Variants in CHIC2 observed in about 807,000 individuals in gnomAD.
CHIC2 encodes cysteine rich hydrophobic domain 2.
In CHIC2, 14 loss-of-function variants were observed where a neutral mutation model predicts 25.9. The observed-to-expected ratio is 0.54, with a 90% CI of 0.36 to 0.85. CHIC2 has a LOEUF of 0.85. Ranked by LOEUF, CHIC2 falls within the 40% of genes least tolerant of loss-of-function variation. CHIC2 has a pLI of 0.01. For missense variants in CHIC2, 146 were observed against 202.0 expected, an observed-to-expected ratio of 0.72 and a Z score of 1.68; for synonymous variants, 70 against 72.0, an observed-to-expected ratio of 0.97 and a Z score of 0.14.
intron 1 of CHIC2, among the ~76,000 whole-genome samples, chr4:54,062,013 T>C (rs985882961): frequency 6.6e-6 from 1 of 152,168 alleles, no homozygotes; most frequent in African/African-American, 2.4e-5. Flanking sequence ...CTATTGAACA[T>C]AGTACCACAC....
the CHIC2 span, among the ~76,000 whole-genome samples, chr4:54,084,852 C>A: frequency 6.6e-6 from 1 of 150,516 alleles, no homozygotes; most frequent in Non-Finnish European, 1.5e-5. Flanking sequence ...CTCAGCTACT[C>A]GGGAGGCTGA....
chr4:54,086,693 A>G, the CHIC2 span, among the ~76,000 whole-genome samples: 3,992 of 152,300 alleles, frequency 0.026, 190 homozygotes, highest in African/African-American at 0.09. Context: ...AGCGGCAGCT[A>G]GAAAGATCTG....
chr4:54,087,158 C>G, the CHIC2 span: 14 of 757,458 alleles, frequency 1.8e-5, no homozygotes, highest in African/African-American at 1.0e-4. Context: ...AAAGAACAAA[C>G]AGAGGACTCC....
At chr4:54,073,291 A>G in the CHIC2 span, among the ~76,000 whole-genome samples, 1 of 152,128 alleles carries the variant, frequency 6.6e-6, no homozygotes, top group African/African-American at 2.4e-5. Context: ...AGCCTTCAGG[A>G]TGGTCCCTGA....
upstream of CHIC2, among the ~76,000 whole-genome samples, chr4:54,067,332 T>C (rs1717538352): frequency 6.6e-6 from 1 of 151,934 alleles, no homozygotes; most frequent in Non-Finnish European, 1.5e-5. Context: ...GTTTTCTTCT[T>C]TTTCCTGTTC....
At chr4:54,025,805 T>G (rs1441531646) in intron 3 of CHIC2, among the ~76,000 whole-genome samples, 1 of 147,346 alleles carries the variant, frequency 6.8e-6, no homozygotes, top group Non-Finnish European at 1.5e-5. Context: ...AAGGCTGCAG[T>G]GAACGTGTCA....
intron 3 of CHIC2, among the ~76,000 whole-genome samples, chr4:54,014,539 T>A (rs374104785): frequency 6.6e-6 from 1 of 152,054 alleles, no homozygotes; most frequent in Admixed American, 6.6e-5. Flanking sequence ...AAACAAAAAA[T>A]TGGAATATTA....
At chr4:54,013,922 G>GA in intron 4 of CHIC2, 26 bp from the exon 5 acceptor site, 2 of 1,611,204 alleles carry the variant, frequency 1.2e-6, no homozygotes, top group Non-Finnish European at 1.7e-6. Context: ...AGTAAAAGAA[G>GA]AAAAATGAGC....
the CHIC2 span, among the ~76,000 whole-genome samples, chr4:54,071,110 G>C: frequency 1.3e-5 from 2 of 152,246 alleles, no homozygotes; most frequent in East Asian, 3.8e-4. Context: ...CACTAAAGGA[G>C]AGGGAAGGAA....
At chr4:54,086,288 GAGA>G in the CHIC2 span, among the ~76,000 whole-genome samples, 1 of 151,984 alleles carries the variant, frequency 6.6e-6, no homozygotes, top group Non-Finnish European at 1.5e-5. Context: ...GAGGGGCATG[GAGA>G]AGATTATGAG....
intron 1 of CHIC2, among the ~76,000 whole-genome samples, chr4:54,050,765 G>C (rs993417831): frequency 6.6e-6 from 1 of 151,996 alleles, no homozygotes; most frequent in Non-Finnish European, 1.5e-5. Context: ...TGTGTAGTAG[G>C]CTACACCATT....
chr4:54,063,046 C>A (rs1370140324), intron 1 of CHIC2, among the ~76,000 whole-genome samples: 1 of 152,188 alleles, frequency 6.6e-6, no homozygotes. Flanking sequence ...TAAGCATACT[C>A]AAACAACAAT....
chr4:54,049,024 A>C lies in CHIC2; in HGVS notation c.261T>G (p.Leu87=). The C allele has an allele frequency of 2.5e-6, 4 of 1,610,882 alleles. No individual in the cohort carries two copies. The highest frequency in any genetic ancestry group is 3.4e-6 in the Non-Finnish European group (4 of 1,178,206). ...KNLPVNVRWL[L]CGCLCCCCTL... ...TGCAGCAGCAACAAAGGCAGCCACA[A>C]AGTAGCCAACGTACATTAACAGGAA... Residue 87 remains leucine, a synonymous_variant, in exon 3 of 6, where the codon CTT becomes CTG. Coordinates refer to ENST00000263921, the MANE Select transcript of CHIC2 (RefSeq NM_012110.4).
intron 3 of CHIC2, among the ~76,000 whole-genome samples, chr4:54,025,749 C>A (rs1010430410): frequency 2.2e-4 from 34 of 151,462 alleles, no homozygotes; most frequent in Non-Finnish European, 2.9e-4. Context: ...GTGGTCCCAG[C>A]TACTTGGGAA....
At chr4:54,054,083 C>T (rs1416272959) in intron 1 of CHIC2, among the ~76,000 whole-genome samples, 1 of 152,162 alleles carries the variant, frequency 6.6e-6, no homozygotes, top group Non-Finnish European at 1.5e-5. Context: ...CCACTACACC[C>T]GGCAGACAAA....
chr4:54,065,931 G>T (rs551282200), upstream of CHIC2, among the ~76,000 whole-genome samples: 13 of 152,334 alleles, frequency 8.5e-5, no homozygotes, highest in East Asian at 2.5e-3. Context: ...CAGACTTATT[G>T]TATCCCTCCC....
At chr4:54,026,023 A>G (rs1577967745) in intron 3 of CHIC2, among the ~76,000 whole-genome samples, 1 of 152,080 alleles carries the variant, frequency 6.6e-6, no homozygotes, top group Admixed American at 6.6e-5. Context: ...TGCTTTTATT[A>G]CCTTACTTAA....
intron 3 of CHIC2, among the ~76,000 whole-genome samples, chr4:54,027,946 A>T (rs1162896169): frequency 1.3e-5 from 2 of 152,228 alleles, no homozygotes; most frequent in African/African-American, 4.8e-5. Context: ...AAGGCAATAT[A>T]TCAACTCTTG....
At chr4:54,083,599 C>T in the CHIC2 span, among the ~76,000 whole-genome samples, 2 of 152,258 alleles carry the variant, frequency 1.3e-5, no homozygotes, top group East Asian at 3.9e-4. Flanking sequence ...GTACCCCTGT[C>T]CTATCTAATT....
Sources: gnomAD v4.1 joint callset for allele counts (sites outside exome capture counted in the v4.1 genomes callset) on GRCh38, gnomAD v4.1.1 for gene constraint, MANE v1.5 for transcripts, NCBI Gene and HGNC (gene_info 2026-07-23, HGNC 2026-07-21) for gene names.